The following UTS2 variants were observed in gnomAD, a reference collection of about 807,000 sequenced individuals.
The protein encoded by UTS2 is urotensin 2.
Under a neutral mutation model 12.6 loss-of-function variants are expected in UTS2, and 10 were observed. That is an observed-to-expected ratio of 0.80 (90% CI 0.49 to 1.35). The LOEUF (loss-of-function observed/expected upper bound fraction) is 1.35. Among genes scored for constraint, UTS2 ranks in the 40% most tolerant of loss-of-function variants. The pLI is 0.00. For missense variants in UTS2, 142 were observed against 143.2 expected, an observed-to-expected ratio of 0.99 and a Z score of 0.04; for synonymous variants, 52 against 50.0, an observed-to-expected ratio of 1.04 and a Z score of -0.17.
At chr1:7,853,407 T>A (rs2097416217), upstream of UTS2, 1 of 1,613,848 alleles carries the variant, frequency 6.2e-7, no homozygotes, top group Non-Finnish European at 8.5e-7. Context: ...ACGCAGAGCA[T>A]AAGATGAAAT....
chr1:7,851,002 C>T (rs1426150366), intron 1 of UTS2, 80 bp from the exon 2 acceptor site: 1 of 1,392,140 alleles, frequency 7.2e-7, no homozygotes, highest in Non-Finnish European at 1.0e-6. Context: ...TTGGCGAGCA[C>T]CAGAGATAGG....
chr1:7,896,983 C>A, the UTS2 span, among the ~76,000 whole-genome samples: 1 of 150,140 alleles, frequency 6.7e-6, no homozygotes, highest in Admixed American at 6.8e-5. Context: ...CAGGCATGAG[C>A]CACTGTGCCT....
chr1:7,872,713 A>G, the UTS2 span, among the ~76,000 whole-genome samples: 1 of 152,322 alleles, frequency 6.6e-6, no homozygotes, highest in East Asian at 1.9e-4. Context: ...CCATAACGTA[A>G]AAGTGCAAAA....
chr1:7,847,710 T>C lies in UTS2; in HGVS notation c.*56A>G. ...TGTTTTCAAATCAAGCATTGTGTTA[T>C]TTTTCATATTCTAAGATGGGTGTTT... On this transcript the variant is annotated 3_prime_UTR_variant, in exon 4 of 4. Transcript: ENST00000361696. The C allele has an allele frequency of 7.3e-7, 1 of 1,366,550 alleles. No individual in the cohort carries two copies. Among genetic ancestry groups the C allele is most frequent in the Non-Finnish European group, 1.0e-6 (1 of 968,124 alleles). The allele number at this position is 1,366,550 out of a possible 1,614,324, so 84.7% of individuals were successfully genotyped here. A position where few individuals can be genotyped will look rare whatever the true frequency, so the allele number is the denominator to read the frequency against.
At chr1:7,860,282 C>T in the UTS2 span, among the ~76,000 whole-genome samples, 38 of 152,068 alleles carry the variant, frequency 2.5e-4, no homozygotes, top group Admixed American at 3.9e-4. Flanking sequence ...TTGCAGGAAA[C>T]GTGGAGAGAG....
At chr1:7,874,176 A>G in the UTS2 span, among the ~76,000 whole-genome samples, 1 of 152,154 alleles carries the variant, frequency 6.6e-6, no homozygotes, top group East Asian at 1.9e-4. Context: ...CAACGTAGGG[A>G]AAAGGTAAAT....
chr1:7,867,606 G>A, the UTS2 span, among the ~76,000 whole-genome samples: 1 of 152,244 alleles, frequency 6.6e-6, no homozygotes, highest in Non-Finnish European at 1.5e-5. Flanking sequence ...ACCGGGCACA[G>A]TGGCTCACGC....
At chr1:7,863,528 G>C in the UTS2 span, among the ~76,000 whole-genome samples, 1 of 152,124 alleles carries the variant, frequency 6.6e-6, no homozygotes. Context: ...TGTGTATCGG[G>C]GTTACTATGA....
chr1:7,902,512 C>T, the UTS2 span, among the ~76,000 whole-genome samples: 18 of 152,288 alleles, frequency 1.2e-4, no homozygotes, highest in East Asian at 3.5e-3. Context: ...CTTTTGGCGA[C>T]TTGCACATCA....
At chr1:7,849,533 T>C in intron 3 of UTS2, 107 bp downstream of exon 3, 2 of 1,010,374 alleles carry the variant, frequency 2.0e-6, no homozygotes, top group Non-Finnish European at 2.9e-6. Flanking sequence ...TATTTTAAGG[T>C]GTGGTTTCCA....
intron 1 of UTS2, among the ~76,000 whole-genome samples, 182 bp downstream of exon 1, chr1:7,852,719 T>A (rs976987163): frequency 1.3e-5 from 2 of 152,154 alleles, no homozygotes; most frequent in African/African-American, 4.8e-5. Flanking sequence ...AAAAACTGTA[T>A]CCATTACTAC....
upstream of UTS2, chr1:7,853,090 T>TCCTGCCTGCTCAC (rs1340399208): frequency 1.2e-5 from 18 of 1,524,838 alleles, no homozygotes; most frequent in Admixed American, 1.2e-4. Flanking sequence ...TCACTGATTA[T>TCCTGCCTGCTCAC]ATATATCATC....
At position 7,852,947 on chromosome 1, in the gene UTS2, TAA is replaced by T; in HGVS notation, c.55_56del (p.Leu19IlefsTer6). 6.2e-7 allele frequency: 1 copy of T among 1,613,194 alleles called. No homozygotes were observed. Among genetic ancestry groups the T allele is most frequent in the Non-Finnish European group, 8.5e-7 (1 of 1,179,668 alleles). ...CCCTGGAGTCAAGGAGAGGAAGAGA[TAA>T]GAGAGGATTTAAGAATCCTATGAAA... is the stretch of plus-strand genomic sequence containing the variant. ...LLFIGFLNPL[L>X]SLPLLDSREI... On this transcript the variant is annotated frameshift_variant, in exon 1 of 4. Coordinates refer to ENST00000361696, the MANE Select transcript of UTS2 (RefSeq NM_006786.4). LOFTEE classifies it high-confidence loss of function.
chr1:7,885,381 C>G, the UTS2 span, among the ~76,000 whole-genome samples: 210 of 152,220 alleles, frequency 1.4e-3, no homozygotes, highest in African/African-American at 4.8e-3. Flanking sequence ...TGGACAATGG[C>G]GGCCCAAACG....
At chr1:7,849,513 G>A (rs2097411687) in intron 3 of UTS2, 127 bp downstream of exon 3, 9 of 876,130 alleles carry the variant, frequency 1.0e-5, no homozygotes, top group South Asian at 4.9e-5. Context: ...GCCTGGTCAT[G>A]CTGGCCAATT....
chr1:7,904,598 ATG>A, the UTS2 span, among the ~76,000 whole-genome samples: 1 of 152,134 alleles, frequency 6.6e-6, no homozygotes, highest in Non-Finnish European at 1.5e-5. Flanking sequence ...TGCAATATTT[ATG>A]TGTTATTAAG....
At position 7,853,009 on chromosome 1, in the gene UTS2, C is replaced by T; in HGVS notation, c.-6G>A. The T allele has an allele frequency of 6.2e-7, 1 of 1,606,516 alleles. No homozygotes were observed. Among genetic ancestry groups the T allele is most frequent in the South Asian group, 1.1e-5 (1 of 88,992 alleles). On this transcript the variant is annotated 5_prime_UTR_variant, in exon 1 of 4. Transcript: ENST00000361696. ...CAGGAGGCCAGCTTATACATGATCG[C>T]CACAAGATAGACGGCTTCCTTCTTG... is the stretch of plus-strand genomic sequence containing the variant.
chr1:7,859,413 TC>T, the UTS2 span, among the ~76,000 whole-genome samples: 1 of 152,126 alleles, frequency 6.6e-6, no homozygotes, highest in African/African-American at 2.4e-5. Context: ...CCCGTGCTGG[TC>T]CCCTCAAGAG....
At chr1:7,881,017 A>G in the UTS2 span, among the ~76,000 whole-genome samples, 2 of 149,722 alleles carry the variant, frequency 1.3e-5, no homozygotes, top group African/African-American at 2.4e-5. Context: ...GATACCTCAC[A>G]TGAACACAAT....
Sources: gnomAD v4.1 joint callset for allele counts (sites outside exome capture counted in the v4.1 genomes callset) on GRCh38, gnomAD v4.1.1 for gene constraint, MANE v1.5 for transcripts, NCBI Gene and HGNC (gene_info 2026-07-23, HGNC 2026-07-21) for gene names.